ARHGAP15: variants seen among roughly 807,000 people sequenced by gnomAD.
ARHGAP15 encodes the protein rho GTPase-activating protein 15.
Under a neutral mutation model 63.7 loss-of-function variants are expected in ARHGAP15, and 51 were observed. The ratio of observed to expected loss-of-function variants is 0.80; its 90% CI spans 0.64 to 1.01. The LOEUF is 1.01. ARHGAP15 is among the 50% of genes least tolerant of loss of function. ARHGAP15 has a pLI of 0.00. For missense variants in ARHGAP15, 560 were observed against 564.6 expected (o/e 0.99, Z 0.08); for synonymous variants, 191 against 193.8 (o/e 0.99, Z 0.12).
At chr2:143,149,162 C>T (rs1689713639) in intron 1 of ARHGAP15, among the ~76,000 whole-genome samples, 1 of 152,002 alleles carries the variant, frequency 6.6e-6, no homozygotes, top group African/African-American at 2.4e-5. Context: ...CCTGGAGAAA[C>T]AGCTCCTCTA....
intron 6 of ARHGAP15, among the ~76,000 whole-genome samples, chr2:143,410,399 A>G (rs1688392844): frequency 6.6e-6 from 1 of 152,184 alleles, no homozygotes; most frequent in African/African-American, 2.4e-5. Context: ...AGGCTACGTG[A>G]TTGTCTATCA....
chr2:143,286,356 C>A (rs916128643), intron 6 of ARHGAP15, among the ~76,000 whole-genome samples: 4 of 152,014 alleles, frequency 2.6e-5, no homozygotes. Flanking sequence ...CTGATCAGAT[C>A]CGTTTTTCCT....
intron 12 of ARHGAP15, among the ~76,000 whole-genome samples, chr2:143,701,468 T>C (rs1399759511): frequency 6.6e-6 from 1 of 152,184 alleles, no homozygotes; most frequent in East Asian, 1.9e-4. Flanking sequence ...GCGTGGTGGC[T>C]TATACCTGTA....
chr2:143,248,235 A>G (rs1296377565), intron 5 of ARHGAP15, among the ~76,000 whole-genome samples: 1 of 152,194 alleles, frequency 6.6e-6, no homozygotes, highest in African/African-American at 2.4e-5. Context: ...ACCTCTGACA[A>G]GGTGACATTT....
rs142538038 is a variant in ARHGAP15, at chr2:143,215,617, G to A, written c.235-767G>A. Among the ~76,000 whole-genome samples, 13 of 152,264 alleles carry A rather than the reference G, an allele frequency of 8.5e-5. No individual in the cohort carries two copies. The East Asian group carries it at 2.5e-3, about 29-fold the overall frequency. ...AACGACTTGGGATGGGGCATGTGAG[G>A]CAGACACAGGAGGGTAGAAATAGGA... On this transcript the variant is annotated intron_variant, in intron 3 of 13. Transcript: ENST00000295095.
chr2:143,600,395 G>A (rs1436370435), intron 11 of ARHGAP15, among the ~76,000 whole-genome samples: 3 of 152,082 alleles, frequency 2.0e-5, no homozygotes, highest in Non-Finnish European at 2.9e-5. Flanking sequence ...TCCAAGCATT[G>A]CATAACTAGT....
At chr2:143,687,798 G>A (rs1324929483) in intron 12 of ARHGAP15, among the ~76,000 whole-genome samples, 3 of 151,828 alleles carry the variant, frequency 2.0e-5, no homozygotes. Context: ...TTGAAAATGT[G>A]GAAAATAAAT....
chr2:143,715,311 T>G (rs867523085), intron 13 of ARHGAP15, among the ~76,000 whole-genome samples: 1 of 152,186 alleles, frequency 6.6e-6, no homozygotes, highest in South Asian at 2.1e-4. Context: ...CCCACTGGGT[T>G]CCTCCCACAA....
At chr2:143,206,424 A>G (rs1372108642) in intron 3 of ARHGAP15, among the ~76,000 whole-genome samples, 1 of 152,156 alleles carries the variant, frequency 6.6e-6, no homozygotes, top group East Asian at 1.9e-4. Context: ...GTGAAAGCCA[A>G]TTTTTCAATA....
chr2:143,596,902 C>T (rs1210768999), intron 11 of ARHGAP15, among the ~76,000 whole-genome samples: 1 of 152,066 alleles, frequency 6.6e-6, no homozygotes, highest in Non-Finnish European at 1.5e-5. Context: ...TGTATCTTCA[C>T]AAAAGTAATA....
intron 6 of ARHGAP15, among the ~76,000 whole-genome samples, chr2:143,266,690 G>A (rs182800507): frequency 1.2e-4 from 18 of 151,970 alleles, no homozygotes; most frequent in Non-Finnish European, 1.2e-4. Context: ...ATTTTGCATA[G>A]GGTTTCCATT....
chr2:143,558,910 A>G (rs1163629681), intron 11 of ARHGAP15, among the ~76,000 whole-genome samples: 1 of 152,136 alleles, frequency 6.6e-6, no homozygotes, highest in African/African-American at 2.4e-5. Flanking sequence ...CTGCTTGTTC[A>G]CTAATGCAAT....
At position 143,642,560 on chromosome 2, in the gene ARHGAP15, G is replaced by A. The variant is rs745324724; in HGVS notation, c.1138+18293G>A. 1.1e-4 allele frequency among the ~76,000 whole-genome samples: 17 copies of A among 152,040 alleles called. No individual in the cohort carries two copies. In the South Asian group the frequency reaches 1.2e-3, roughly 11 times the overall value. ...AAGAGGAGAGCAGCTCTTCCTACTCGTAGTATGTTGACATCACAGCACCTT... is the reference window on the plus strand; with the variant it reads ...AAGAGGAGAGCAGCTCTTCCTACTCATAGTATGTTGACATCACAGCACCTT... On this transcript the variant is annotated intron_variant, in intron 12 of 13. Transcript: ENST00000295095.
chr2:143,220,385 T>G (rs1692941879), intron 4 of ARHGAP15, among the ~76,000 whole-genome samples: 1 of 152,160 alleles, frequency 6.6e-6, no homozygotes, highest in South Asian at 2.1e-4. Context: ...TTATTTTGTA[T>G]TTTTAGTAGA....
intron 6 of ARHGAP15, among the ~76,000 whole-genome samples, chr2:143,269,825 A>G (rs1481862789): frequency 6.6e-6 from 1 of 152,150 alleles, no homozygotes; most frequent in Non-Finnish European, 1.5e-5. Flanking sequence ...CAATCTTGCA[A>G]TCATGCCTAT....
chr2:143,291,014 G>GA (rs1212684542), intron 6 of ARHGAP15, among the ~76,000 whole-genome samples: 1 of 152,122 alleles, frequency 6.6e-6, no homozygotes, highest in Non-Finnish European at 1.5e-5. Context: ...GATCATCAGT[G>GA]AGAGGATACA....
chr2:143,309,803 G>A (rs1331910656), intron 6 of ARHGAP15, among the ~76,000 whole-genome samples: 1 of 151,718 alleles, frequency 6.6e-6, no homozygotes, highest in East Asian at 1.9e-4. Context: ...ATCTCAAGTT[G>A]TAACAACCAA....
At chr2:143,510,254 T>C (rs1693521918) in intron 9 of ARHGAP15, among the ~76,000 whole-genome samples, 1 of 152,134 alleles carries the variant, frequency 6.6e-6, no homozygotes, top group Non-Finnish European at 1.5e-5. Context: ...TCTGCCCATA[T>C]GTGTGGCATT....
intron 13 of ARHGAP15, among the ~76,000 whole-genome samples, chr2:143,719,882 T>C (rs1684972235): frequency 6.6e-6 from 1 of 152,186 alleles, no homozygotes; most frequent in African/African-American, 2.4e-5. Context: ...AATGTACCCT[T>C]CATCTTGGCA....
Sources: gnomAD v4.1 joint callset for allele counts (sites outside exome capture counted in the v4.1 genomes callset) on GRCh38, gnomAD v4.1.1 for gene constraint, MANE v1.5 for transcripts, NCBI Gene and HGNC (gene_info 2026-07-23, HGNC 2026-07-21) for gene names.